The following PLD5 variants were observed in gnomAD, a reference collection of about 807,000 sequenced individuals.
PLD5 encodes phospholipase D family member 5, also known as inactive phospholipase D5.
In PLD5, 36 loss-of-function variants were observed where a neutral mutation model predicts 61.1. The observed-to-expected ratio is 0.59, with a 90% CI of 0.45 to 0.78. The LOEUF is 0.78. Ranked by LOEUF, PLD5 falls within the 30% of genes least tolerant of loss-of-function variation. The probability of loss-of-function intolerance (pLI) is 0.00; values close to 1 mark genes in which losing one functional copy is unlikely to be tolerated. For synonymous variants in PLD5, 243 were observed against 242.8 expected, an observed-to-expected ratio of 1.00 and a Z score of -0.01; for missense variants, 515 against 644.4, an observed-to-expected ratio of 0.80 and a Z score of 2.17.
At chr1:242,460,345 T>C (rs577080303) in intron 1 of PLD5, among the ~76,000 whole-genome samples, 2 of 152,260 alleles carry the variant, frequency 1.3e-5, no homozygotes, top group African/African-American at 4.8e-5. Context: ...CAGCTCTCAC[T>C]ATCTTGTGTG....
intron 1 of PLD5, among the ~76,000 whole-genome samples, chr1:242,383,980 C>G (rs1392885633): frequency 6.6e-6 from 1 of 152,192 alleles, no homozygotes; most frequent in Non-Finnish European, 1.5e-5. Context: ...ACACAGAGTC[C>G]CAACACAAGA....
At chr1:242,283,286 C>T (rs188047890) in intron 3 of PLD5, among the ~76,000 whole-genome samples, 24 of 152,264 alleles carry the variant, frequency 1.6e-4, no homozygotes, top group Admixed American at 1.6e-3. Context: ...CCATCACACT[C>T]ACTCTAACAA....
chr1:242,382,564 G>T (rs954874100), intron 1 of PLD5, among the ~76,000 whole-genome samples: 2 of 152,168 alleles, frequency 1.3e-5, no homozygotes, highest in Non-Finnish European at 2.9e-5. Flanking sequence ...TCAAGAAAGA[G>T]AAGTGCCTAA....
intron 1 of PLD5, among the ~76,000 whole-genome samples, chr1:242,516,954 T>C (rs1669123454): frequency 1.3e-5 from 2 of 152,260 alleles, no homozygotes; most frequent in African/African-American, 2.4e-5. Flanking sequence ...TATTCCTAAG[T>C]ATTTGACATA....
At chr1:242,507,424 T>C (rs1226455474) in intron 1 of PLD5, among the ~76,000 whole-genome samples, 1 of 152,206 alleles carries the variant, frequency 6.6e-6, no homozygotes, top group Admixed American at 6.5e-5. Context: ...CAATTCTTCT[T>C]AGGAAGGTGC....
chr1:242,451,919 C>T (rs1030195972), intron 1 of PLD5, among the ~76,000 whole-genome samples: 30 of 152,258 alleles, frequency 2.0e-4, no homozygotes, highest in Non-Finnish European at 2.8e-4. Flanking sequence ...TTGCAGTATC[C>T]TCAAGTCACC....
At chr1:242,415,910 A>AT (rs11370906) in intron 1 of PLD5, among the ~76,000 whole-genome samples, 67,327 of 151,972 alleles carry the variant, frequency 0.44, 16,505 homozygotes, top group African/African-American at 0.66. Context: ...GATTTGACTT[A>AT]TTTACATTAA....
intron 1 of PLD5, among the ~76,000 whole-genome samples, chr1:242,499,537 T>C (rs956601998): frequency 5.9e-5 from 9 of 152,226 alleles, no homozygotes; most frequent in Admixed American, 2.6e-4. Context: ...GCCACTTTAC[T>C]CCCCTTTTTC....
intron 1 of PLD5, among the ~76,000 whole-genome samples, chr1:242,371,874 T>TC (rs1661656553): frequency 6.6e-6 from 1 of 152,156 alleles, no homozygotes; most frequent in Non-Finnish European, 1.5e-5. Flanking sequence ...AAAGTTTTTT[T>TC]TTTTAATTAT....
chr1:242,516,250 TTATA>T (rs57043354), intron 1 of PLD5, among the ~76,000 whole-genome samples: 3,727 of 138,532 alleles, frequency 0.027, 73 homozygotes, highest in African/African-American at 0.039. Context: ...TAAAGTTAAA[TTATA>T]TATATATATA....
chr1:242,456,368 G>A (rs761174887), intron 1 of PLD5, among the ~76,000 whole-genome samples: 36 of 152,212 alleles, frequency 2.4e-4, no homozygotes, highest in Non-Finnish European at 3.2e-4. Context: ...GCCACATCTC[G>A]AATGCTCAAG....
chr1:242,394,909 T>TATATATGA (rs1553366827), intron 1 of PLD5, among the ~76,000 whole-genome samples: 2 of 131,092 alleles, frequency 1.5e-5, no homozygotes, highest in South Asian at 2.4e-4. Flanking sequence ...TATATATGAA[T>TATATATGA]ATATATGTAT....
rs150892061 is a variant in PLD5 at position 242,125,369 on chromosome 1, T to C, written c.736-704A>G. 6.8e-4 allele frequency among the ~76,000 whole-genome samples: 103 copies of C among 152,198 alleles called. 1 individual carries two copies. The highest frequency in any genetic ancestry group is 7.1e-4 in the Non-Finnish European group (48 of 68,006). ...ACAGAGATCATTTTGTCCACCTCTC[T>C]CAAGGCATGGATGAGGAAAGTAAAG... On this transcript the variant is annotated intron_variant, in intron 5 of 9. Coordinates refer to ENST00000536534, the MANE Select transcript of PLD5 (RefSeq NM_001372062.1).
chr1:242,475,753 T>G (rs1013688772), intron 1 of PLD5, among the ~76,000 whole-genome samples: 1 of 152,078 alleles, frequency 6.6e-6, no homozygotes, highest in East Asian at 1.9e-4. Flanking sequence ...TAAGTTATAA[T>G]GAGGAAATTA....
intron 5 of PLD5, among the ~76,000 whole-genome samples, chr1:242,145,430 G>A (rs574423062): frequency 9.2e-5 from 14 of 152,124 alleles, no homozygotes; most frequent in Admixed American, 5.9e-4. Flanking sequence ...CTAGTATGTC[G>A]TGGATGTTTG....
rs1026789894 is a variant in PLD5, at chr1:242,394,051, C to T, written c.190-45809G>A. On this transcript the variant is annotated intron_variant, in intron 1 of 9. Transcript: ENST00000536534. ...CTCCAGCCTGGATAAGACGACGACT[C>T]CATCTCAAAAAAAAACATATATATA... 1.0e-4 allele frequency among the ~76,000 whole-genome samples: 14 copies of T among 140,468 alleles called. 1 individual carries two copies. Among genetic ancestry groups the T allele is most frequent in the African/African-American group, 3.5e-4 (13 of 37,382 alleles). 92.2% of individuals were successfully genotyped at this position (140,468 alleles called of 152,430 possible).
Position 242,088,136 on chromosome 1 carries a change from AAG to A in PLD5, c.*1716_*1717del, listed in dbSNP as rs374792027. ...AGAAATCAAGTCTCCAGAAATGAAAAAGAATAACTGAGTGTTTCCTTGCTCTG... is the reference window on the plus strand; with the variant it reads ...AGAAATCAAGTCTCCAGAAATGAAAAAATAACTGAGTGTTTCCTTGCTCTG... On this transcript the variant is annotated 3_prime_UTR_variant, in exon 10 of 10. Coordinates refer to ENST00000536534, the MANE Select transcript of PLD5 (RefSeq NM_001372062.1). 37 of 152,154 alleles carry A rather than the reference AAG, an allele frequency of 2.4e-4. No homozygotes were observed. The highest frequency in any genetic ancestry group is 8.7e-4 in the African/African-American group (36 of 41,412). The allele number at this position is 152,154 out of a possible 1,614,324, so 9.4% of individuals were successfully genotyped here. A position where few individuals can be genotyped will look rare whatever the true frequency, so the allele number is the denominator to read the frequency against.
chr1:242,422,430 C>A (rs958328973), intron 1 of PLD5, among the ~76,000 whole-genome samples: 2 of 152,136 alleles, frequency 1.3e-5, no homozygotes, highest in Non-Finnish European at 2.9e-5. Flanking sequence ...GTGGATAATG[C>A]ATAGCCAACT....
intron 5 of PLD5, among the ~76,000 whole-genome samples, chr1:242,125,802 T>C (rs1436568945): frequency 1.3e-5 from 2 of 152,112 alleles, no homozygotes; most frequent in African/African-American, 4.8e-5. Context: ...CTGTCTCTCT[T>C]TGCTCCCAGG....
Sources: allele counts gnomAD v4.1 joint callset (sites outside exome capture counted in the v4.1 genomes callset), GRCh38; gene constraint gnomAD v4.1.1; transcripts MANE v1.5; gene names NCBI Gene and HGNC (gene_info 2026-07-23, HGNC 2026-07-21).